Variants in NOC4L observed in about 807,000 individuals in gnomAD.
NOC4L encodes nucleolar complex protein 4 homolog.
Under a neutral mutation model 62.8 loss-of-function variants are expected in NOC4L, and 40 were observed. The observed-to-expected ratio is 0.64, with a 90% CI of 0.49 to 0.83. The LOEUF (loss-of-function observed/expected upper bound fraction) is 0.83, where lower values mean the gene tolerates loss of function less well. Ranked by LOEUF, NOC4L falls within the 40% of genes least tolerant of loss-of-function variation. The pLI is 0.00. For synonymous variants in NOC4L, 433 were observed against 299.8 expected, an observed-to-expected ratio of 1.44 and a Z score of -4.59; for missense variants, 927 against 701.9, an observed-to-expected ratio of 1.32 and a Z score of -3.62.
chr12:132,148,735 C>CCCCG, intron 8 of NOC4L, 49 bp from the exon 9 acceptor site: 24 of 1,309,078 alleles, frequency 1.8e-5, no homozygotes, highest in East Asian at 5.6e-5. Flanking sequence ...CCCGACCCGC[C>CCCCG]GGCCCCCGCC....
In NOC4L at chr12:132,151,566, A is replaced by T. The variant is rs369152566; in HGVS notation, c.1156A>T (p.Met386Leu). ...GACGGCTCCCCCTGAGGCCCTGCTC[A>T]TGGTCCTGCCTTTCATCTGTAACCT... ...ALTAPPEALLMVLPFICNLLR... is the reference protein window; with the variant it reads ...ALTAPPEALLLVLPFICNLLR... Residue 386 changes from methionine to leucine, a missense_variant, in exon 12 of 15, where the codon ATG becomes TTG. Met to Leu is a conservative substitution (Grantham distance 15, BLOSUM62 2). Transcript: ENST00000330579. 6.2e-7 allele frequency: 1 copy of T among 1,610,654 alleles called. No homozygotes were observed. The highest frequency in any genetic ancestry group is 1.7e-5 in the Admixed American group (1 of 59,876).
In NOC4L at chr12:132,151,721, C is replaced by A. The variant is rs370317561; in HGVS notation, c.1235-17C>A. 1.1e-5 allele frequency: 18 copies of A among 1,612,238 alleles called. No individual in the cohort carries two copies. In the African/African-American group the frequency reaches 2.1e-4, roughly 19 times the overall value. Reference sequence around the variant, plus strand: ...GGTGCTGTGGACGGCAGACAAGGGCCCACGTCTCATTCCTAGAGTTGGACG... The same window carrying A: ...GGTGCTGTGGACGGCAGACAAGGGCACACGTCTCATTCCTAGAGTTGGACG... On this transcript the variant is annotated splice_polypyrimidine_tract_variant and intron_variant, in intron 12 of 14. Transcript: ENST00000330579.
chr12:132,147,970 A>G lies in NOC4L; in HGVS notation c.694A>G (p.Lys232Glu). The G allele has an allele frequency of 6.2e-7, 1 of 1,610,638 alleles. No homozygotes were observed. Among genetic ancestry groups the G allele is most frequent in the East Asian group, 2.2e-5 (1 of 44,780 alleles). The part of the protein sequence containing the change: ...REPTVSSFYV[K>E]RAELWDTWKV... Reference sequence around the variant, plus strand: ...GCCCACCGTCTCCAGCTTCTATGTGAAGCGGGCGGGTGAGTGTGCTGAGAG... The same window carrying G: ...GCCCACCGTCTCCAGCTTCTATGTGGAGCGGGCGGGTGAGTGTGCTGAGAG... The change falls in exon 6 of 15, where the codon AAG (lysine) becomes GAG (glutamate). Residue 232 changes from lysine (K) to glutamate (E), a missense_variant. Lys to Glu is a moderately conservative substitution (Grantham distance 56). Coordinates refer to ENST00000330579, the MANE Select transcript of NOC4L (RefSeq NM_024078.3).
chr12:132,147,326 G>A lies in NOC4L; in HGVS notation c.391G>A (p.Ala131Thr), dbSNP rs1427691360. Reference sequence around the variant, plus strand: ...CCTGAAGTTCGTGCAGCTGGAAGGAGCGCACCCCCTGGAGAAGTCCAAGTG... The same window carrying A: ...CCTGAAGTTCGTGCAGCTGGAAGGAACGCACCCCCTGGAGAAGTCCAAGTG... ...ALLKFVQLEGAHPLEKSKWEG... is the reference protein window; with the variant it reads ...ALLKFVQLEGTHPLEKSKWEG... Residue 131 changes from alanine (A) to threonine (T), a missense_variant, in exon 4 of 15, where the codon GCG becomes ACG. Physicochemically the swap from Ala to Thr is moderately conservative, Grantham distance 58. Coordinates refer to ENST00000330579, the MANE Select transcript of NOC4L (RefSeq NM_024078.3). The A allele has an allele frequency of 3.8e-6, 6 of 1,592,818 alleles. No homozygotes were observed. The highest frequency in any genetic ancestry group is 5.1e-6 in the Non-Finnish European group (6 of 1,169,342).
intron 3 of NOC4L, chr12:132,146,294 G>T (rs746572592): frequency 1.1e-5 from 5 of 455,928 alleles, no homozygotes; most frequent in South Asian, 7.7e-5. Context: ...TCATCGGCGT[G>T]TTCGAAGTTC....
At position 132,151,583 on chromosome 12, in the gene NOC4L, C is replaced by G. The variant is rs766151712; in HGVS notation, c.1173C>G (p.Ile391Met). ...PEALLMVLPF[I>M]CNLLRRHPAC... is the part of the protein sequence containing the mutation. ...CCCTGCTCATGGTCCTGCCTTTCAT[C>G]TGTAACCTGCTGCGCCGGCACCCTG... is the stretch of plus-strand genomic sequence containing the variant. The change falls in exon 12 of 15, where the codon ATC becomes ATG. Residue 391 changes from isoleucine (I) to methionine (M), a missense_variant. By Grantham distance (10) the Ile-to-Met change is conservative (BLOSUM62 1). Coordinates refer to ENST00000330579, the MANE Select transcript of NOC4L (RefSeq NM_024078.3). 2.5e-6 allele frequency: 4 copies of G among 1,611,248 alleles called. No homozygotes were observed. Among genetic ancestry groups the G allele is most frequent in the Non-Finnish European group, 3.4e-6 (4 of 1,179,434 alleles).
intron 7 of NOC4L, 55 bp downstream of exon 7, chr12:132,148,161 G>C: frequency 6.3e-7 from 1 of 1,581,318 alleles, no homozygotes; most frequent in Non-Finnish European, 8.7e-7. Flanking sequence ...TGTGTGTGGG[G>C]TGCATGTGAG....
chr12:132,150,905 C>T, intron 9 of NOC4L, 76 bp from the exon 10 acceptor site: 2 of 1,115,652 alleles, frequency 1.8e-6, no homozygotes, highest in South Asian at 1.4e-5. Flanking sequence ...ACTCCACAGA[C>T]TTACACTCAG....
At chr12:132,147,429 T>C in intron 4 of NOC4L, 41 bp downstream of exon 4, 1 of 1,531,354 alleles carries the variant, frequency 6.5e-7, no homozygotes, top group Non-Finnish European at 8.9e-7. Context: ...CCTGGCTGGC[T>C]GGCCAGATCC....
chr12:132,151,152 T>A, intron 10 of NOC4L, 106 bp from the exon 11 acceptor site: 1 of 1,410,386 alleles, frequency 7.1e-7, no homozygotes, highest in Non-Finnish European at 1.0e-6. Context: ...GGCCATGGTG[T>A]TGGAGTCCCT....
At chr12:132,146,018 G>A (rs1225684865) in intron 3 of NOC4L, among the ~76,000 whole-genome samples, 1 of 152,196 alleles carries the variant, frequency 6.6e-6, no homozygotes, top group Non-Finnish European at 1.5e-5. Context: ...TCTGTAGTGA[G>A]GAATAACTGA....
At chr12:132,147,499 C>T in intron 4 of NOC4L, 111 bp downstream of exon 4, 1 of 1,450,360 alleles carries the variant, frequency 6.9e-7, no homozygotes, top group Non-Finnish European at 9.3e-7. Context: ...TTGGCTGGGA[C>T]ACTCCTGTGG....
Position 132,151,021 on chromosome 12 carries a change from C to T in NOC4L, c.942C>T (p.Ile314=), listed in dbSNP as rs377059700. The change falls in exon 10 of 15, where the codon ATC becomes ATT. Residue 314 remains isoleucine (I), a synonymous_variant. Transcript: ENST00000330579. ...TCTTGGCCTTGAACGGGCTGTTCATCTTGATTCACAAACACAACCTGTGAG... is the reference window on the plus strand; with the variant it reads ...TCTTGGCCTTGAACGGGCTGTTCATTTTGATTCACAAACACAACCTGTGAG... ...LSLLALNGLF[I]LIHKHNLEYP... is the part of the protein sequence containing the mutation. 9 of 1,611,408 alleles carry T rather than the reference C, an allele frequency of 5.6e-6. No homozygotes were observed. The highest frequency in any genetic ancestry group is 8.5e-7 in the Non-Finnish European group (1 of 1,179,220).
intron 7 of NOC4L, 37 bp from the exon 8 acceptor site, chr12:132,148,572 G>T (rs1320617137): frequency 1.8e-5 from 28 of 1,548,370 alleles, no homozygotes; most frequent in East Asian, 2.4e-5. Context: ...GGTCTGGGGT[G>T]GGGAGGGCGG....
intron 3 of NOC4L, among the ~76,000 whole-genome samples, chr12:132,146,574 C>A (rs1010348977): frequency 1.3e-5 from 2 of 152,216 alleles, no homozygotes; most frequent in African/African-American, 2.4e-5. Flanking sequence ...TTACCCTCCC[C>A]CTGGCAGCAT....
Position 132,147,776 on chromosome 12 carries a change from C to T in NOC4L, c.597C>T (p.His199=), listed in dbSNP as rs775006630. 9 of 1,612,558 alleles carry T rather than the reference C, an allele frequency of 5.6e-6. No homozygotes were observed. The highest frequency in any genetic ancestry group is 7.6e-6 in the Non-Finnish European group (9 of 1,179,934). ...VDAVARVTGQ[H]PEVPPAFWNN... ...CCGTGGCCCGGGTCACTGGCCAGCACCCCGAGGTGGGTGATGGGGTCCTGT... is the reference window on the plus strand; with the variant it reads ...CCGTGGCCCGGGTCACTGGCCAGCATCCCGAGGTGGGTGATGGGGTCCTGT... Residue 199 remains histidine, a synonymous_variant, in exon 5 of 15, where the codon CAC becomes CAT. Coordinates refer to ENST00000330579, the MANE Select transcript of NOC4L (RefSeq NM_024078.3).
Position 132,145,807 on chromosome 12 carries a change from G to C in NOC4L, c.345+142G>C, listed in dbSNP as rs1228293943. ...GGGAGCATCACCCTGTGGGTGTTCA[G>C]TCCCATTCAGAAACATGGCTATCGA... On this transcript the variant is annotated intron_variant, in intron 3 of 14. Coordinates refer to ENST00000330579, the MANE Select transcript of NOC4L (RefSeq NM_024078.3). 6 of 606,660 alleles carry C rather than the reference G, an allele frequency of 9.9e-6. 1 individual carries two copies. In the South Asian group the frequency reaches 1.2e-4, roughly 12 times the overall value. The allele number at this position is 606,660 out of a possible 1,614,324, so 37.6% of individuals were successfully genotyped here. A position where few individuals can be genotyped will look rare whatever the true frequency, so the allele number is the denominator to read the frequency against.
In NOC4L at chr12:132,144,942, GC is replaced by G. The variant is rs1350191697; in HGVS notation, c.208del (p.Gln70SerfsTer9). On this transcript the variant is annotated frameshift_variant, in exon 2 of 15. Coordinates refer to ENST00000330579, the MANE Select transcript of NOC4L (RefSeq NM_024078.3). LOFTEE classifies it high-confidence loss of function. Reference protein sequence around the residue: ...ALLERGELFVGQLPSEEMVMT... With the variant: ...ALLERGELFVXQLPSEEMVMT... ...CTGGAGCGGGGAGAGCTGTTTGTGG[GC>G]CAGCTGCCCTCTGAGGAGATGGTCA... 1.2e-6 allele frequency: 2 copies of G among 1,600,282 alleles called. No homozygotes were observed. Among genetic ancestry groups the G allele is most frequent in the Non-Finnish European group, 1.7e-6 (2 of 1,174,508 alleles).
chr12:132,152,208 G>A lies in NOC4L; in HGVS notation c.1431+11G>A, dbSNP rs935735797. On this transcript the variant is annotated intron_variant, in intron 14 of 14. Coordinates refer to ENST00000330579, the MANE Select transcript of NOC4L (RefSeq NM_024078.3). ...CTCACGGCCTACGAGGTGCGGAACT[G>A]GGCCAGGGTGCGAGGGTCTGGGCCA... 1.2e-5 allele frequency: 19 copies of A among 1,609,840 alleles called. No individual in the cohort carries two copies. Among genetic ancestry groups the A allele is most frequent in the Non-Finnish European group, 1.4e-5 (17 of 1,178,856 alleles).
Sources: allele counts gnomAD v4.1 joint callset (sites outside exome capture counted in the v4.1 genomes callset), GRCh38; gene constraint gnomAD v4.1.1; transcripts MANE v1.5; gene names NCBI Gene and HGNC (gene_info 2026-07-23, HGNC 2026-07-21).